CNIH3: variants seen among roughly 807,000 people sequenced by gnomAD.
CNIH3 encodes protein cornichon homolog 3.
In CNIH3, 14 loss-of-function variants were observed where a neutral mutation model predicts 24.1. The ratio of observed to expected loss-of-function variants is 0.58; its 90% CI spans 0.38 to 0.91. The LOEUF (loss-of-function observed/expected upper bound fraction) is 0.91, where lower values mean the gene tolerates loss of function less well. CNIH3 is among the 40% of genes least tolerant of loss of function. CNIH3 has a pLI of 0.00. For missense variants in CNIH3, 178 were observed against 196.8 expected (o/e 0.90, Z 0.57); for synonymous variants, 68 against 73.8 (o/e 0.92, Z 0.40).
At chr1:224,661,341 C>A in intron 1 of CNIH3, 1 of 285,788 alleles carries the variant, frequency 3.5e-6, no homozygotes, top group South Asian at 4.3e-5. Context: ...TGAAGTTGCC[C>A]ATCCCACTAC....
At chr1:224,574,884 G>A in intron 4 of CNIH3, 3 of 1,009,212 alleles carry the variant, frequency 3.0e-6, no homozygotes, top group Non-Finnish European at 4.8e-6. Flanking sequence ...GGAAGAGCTG[G>A]TGGATGAAGG....
chr1:224,676,807 G>A lies in CNIH3; in HGVS notation c.82-4151G>A, dbSNP rs561704383. On this transcript the variant is annotated intron_variant, in intron 1 of 5. Transcript: ENST00000272133. ...AGGATGATACTACACAGTGGGGCCC[G>A]TGGCTTCTATCCTCAGACAGGTCAG... Among the ~76,000 whole-genome samples, 9 of 152,316 alleles carry A rather than the reference G, an allele frequency of 5.9e-5. No individual in the cohort carries two copies. In the East Asian group the frequency reaches 7.7e-4, roughly 13 times the overall value.
At chr1:224,628,368 C>A (rs1319780567) in intron 1 of CNIH3, among the ~76,000 whole-genome samples, 1 of 152,128 alleles carries the variant, frequency 6.6e-6, no homozygotes, top group Non-Finnish European at 1.5e-5. Flanking sequence ...ATAACCATCA[C>A]CACCATCCAT....
At chr1:224,707,668 C>G (rs1431738408) in intron 3 of CNIH3, among the ~76,000 whole-genome samples, 3 of 152,096 alleles carry the variant, frequency 2.0e-5, no homozygotes, top group African/African-American at 7.2e-5. Flanking sequence ...AATCTCATGC[C>G]CCACCCAGAT....
intron 3 of CNIH3, among the ~76,000 whole-genome samples, chr1:224,705,846 TTTTC>T (rs1366294301): frequency 7.5e-6 from 1 of 132,698 alleles, no homozygotes; most frequent in Non-Finnish European, 1.6e-5. Flanking sequence ...TCTCTCTTTC[TTTTC>T]TTTTTTTTCT....
At chr1:224,670,090 G>A (rs1685790631) in intron 1 of CNIH3, among the ~76,000 whole-genome samples, 1 of 152,194 alleles carries the variant, frequency 6.6e-6, no homozygotes, top group Admixed American at 6.5e-5. Context: ...ACCTGGAGGA[G>A]TGAAGTGACA....
At chr1:224,490,450 G>T (rs930894869) in intron 1 of CNIH3, among the ~76,000 whole-genome samples, 9 of 152,220 alleles carry the variant, frequency 5.9e-5, no homozygotes, top group African/African-American at 2.2e-4. Context: ...CCCATGGGAT[G>T]TGGCCCAGGA....
chr1:224,442,081 C>T (rs1170656660), intron 1 of CNIH3, among the ~76,000 whole-genome samples: 2 of 145,008 alleles, frequency 1.4e-5, no homozygotes, highest in African/African-American at 2.6e-5. Flanking sequence ...TGCAGTGGCA[C>T]GATCATGGCT....
At chr1:224,656,519 C>T (rs1388064470) in intron 1 of CNIH3, among the ~76,000 whole-genome samples, 1 of 152,052 alleles carries the variant, frequency 6.6e-6, no homozygotes, top group Non-Finnish European at 1.5e-5. Flanking sequence ...TATCTAGGAT[C>T]TTTGGCTGGG....
intron 1 of CNIH3, among the ~76,000 whole-genome samples, chr1:224,516,382 C>T (rs1678385060): frequency 6.7e-6 from 1 of 150,358 alleles, no homozygotes; most frequent in African/African-American, 2.4e-5. Context: ...CTTCACAGCT[C>T]AACTTACCTT....
chr1:224,443,564 T>G (rs899652007), intron 1 of CNIH3, among the ~76,000 whole-genome samples: 1 of 151,748 alleles, frequency 6.6e-6, no homozygotes, highest in African/African-American at 2.4e-5. Context: ...CTTTTAAGAG[T>G]CTTCTGTTTT....
intron 4 of CNIH3, chr1:224,575,203 A>G (rs940101176): frequency 1.5e-5 from 19 of 1,299,926 alleles, no homozygotes; most frequent in Admixed American, 6.7e-5. Context: ...TTCCCCATGC[A>G]GAGGAACTTG....
intron 1 of CNIH3, chr1:224,454,377 G>T: frequency 1.1e-6 from 1 of 902,244 alleles, no homozygotes; most frequent in Non-Finnish European, 1.3e-6. Flanking sequence ...ATATTGTGTT[G>T]AACATAATTG....
intron 3 of CNIH3, among the ~76,000 whole-genome samples, chr1:224,606,840 G>A (rs1172423615): frequency 1.3e-5 from 2 of 152,138 alleles, no homozygotes; most frequent in Non-Finnish European, 2.9e-5. Context: ...AGGACCAATG[G>A]TGGAGGGAGG....
intron 1 of CNIH3, among the ~76,000 whole-genome samples, chr1:224,481,193 A>T (rs1331364153): frequency 6.6e-6 from 1 of 152,346 alleles, no homozygotes; most frequent in African/African-American, 2.4e-5. Context: ...ACTCACTATC[A>T]TGAGAACAGT....
chr1:224,615,189 TTATC>T (rs1313614701), upstream of CNIH3: 1 of 152,190 alleles, frequency 6.6e-6, no homozygotes, highest in Non-Finnish European at 1.5e-5. Context: ...CAATAGTTAT[TTATC>T]TAGTTCCCAC....
intron 3 of CNIH3, among the ~76,000 whole-genome samples, chr1:224,691,717 G>T (rs2125159890): frequency 6.6e-6 from 1 of 152,334 alleles, no homozygotes; most frequent in South Asian, 2.1e-4. Flanking sequence ...GTAAAAAGCT[G>T]TAGTGGATGG....
chr1:224,630,398 A>G (rs543054069), intron 1 of CNIH3, among the ~76,000 whole-genome samples: 12 of 152,172 alleles, frequency 7.9e-5, no homozygotes, highest in African/African-American at 2.9e-4. Context: ...CTGGGAGACA[A>G]TTTGGGGGAT....
At chr1:224,451,341 A>G (rs141718686) in intron 1 of CNIH3, among the ~76,000 whole-genome samples, 127 of 152,354 alleles carry the variant, frequency 8.3e-4, no homozygotes, top group South Asian at 2.7e-3. Context: ...TCTGTTTCAT[A>G]GAGGGGTGCT....
Sources: allele counts gnomAD v4.1 joint callset (sites outside exome capture counted in the v4.1 genomes callset), GRCh38; gene constraint gnomAD v4.1.1; transcripts MANE v1.5; gene names NCBI Gene and HGNC (gene_info 2026-07-23, HGNC 2026-07-21).